The following USP32 variants were observed in gnomAD, a reference collection of about 807,000 sequenced individuals.
The protein encoded by USP32 is ubiquitin specific peptidase 32.
Under a neutral mutation model 204.8 loss-of-function variants are expected in USP32, and 59 were observed. The ratio of observed to expected loss-of-function variants is 0.29; its 90% CI spans 0.23 to 0.36. The LOEUF (loss-of-function observed/expected upper bound fraction) is 0.36. Ranked by LOEUF, USP32 falls within the 10% of genes least tolerant of loss-of-function variation. The pLI, the probability that USP32 is intolerant of heterozygous loss-of-function variation, is 1.00. For missense variants in USP32, 1,160 were observed against 1,946.4 expected (o/e 0.60, Z 7.60); for synonymous variants, 517 against 678.4 (o/e 0.76, Z 3.70).
At chr17:60,349,619 ATATATTATATATATATATATATATT>A (rs1567867312) in intron 1 of USP32, among the ~76,000 whole-genome samples, 3 of 74,960 alleles carry the variant, frequency 4.0e-5, no homozygotes, top group African/African-American at 2.3e-4. Context: ...ATATATATAT[ATATATTATATATATATATATATATT>A]ATATATATAC....
intron 5 of USP32, among the ~76,000 whole-genome samples, chr17:60,271,873 A>G (rs575176827): frequency 6.6e-6 from 1 of 151,226 alleles, no homozygotes; most frequent in African/African-American, 2.4e-5. Flanking sequence ...GTGCAGTGAC[A>G]CGATCATAGT....
intron 1 of USP32, among the ~76,000 whole-genome samples, chr17:60,390,052 T>C (rs912076885): frequency 2.6e-5 from 4 of 152,076 alleles, no homozygotes; most frequent in African/African-American, 9.7e-5. Context: ...TAGTTACAAA[T>C]AAGCTCTTAA....
chr17:60,293,804 T>C (rs1157967280), intron 4 of USP32, among the ~76,000 whole-genome samples: 2 of 152,156 alleles, frequency 1.3e-5, no homozygotes, highest in African/African-American at 2.4e-5. Flanking sequence ...TGGAGGACTG[T>C]CATACTGGTG....
chr17:60,262,098 G>A (rs1035379496), intron 9 of USP32, among the ~76,000 whole-genome samples: 27 of 152,310 alleles, frequency 1.8e-4, no homozygotes, highest in African/African-American at 5.3e-4. Flanking sequence ...ACTGACTGCA[G>A]TTAGGACTAC....
At chr17:60,407,418 T>A (rs1380191449) in intron 1 of USP32, among the ~76,000 whole-genome samples, 3 of 152,152 alleles carry the variant, frequency 2.0e-5, no homozygotes, top group Non-Finnish European at 1.5e-5. Context: ...CCTCCCAAGA[T>A]GTTCAGGAGA....
At chr17:60,257,471 G>C (rs1329070238) in intron 9 of USP32, among the ~76,000 whole-genome samples, 1 of 152,068 alleles carries the variant, frequency 6.6e-6, no homozygotes, top group Non-Finnish European at 1.5e-5. Context: ...TAGCATTTCA[G>C]CAAGTTGTTA....
chr17:60,354,069 A>G (rs1022979766), intron 1 of USP32, among the ~76,000 whole-genome samples: 1 of 152,228 alleles, frequency 6.6e-6, no homozygotes, highest in African/African-American at 2.4e-5. Flanking sequence ...ATGAAATTAA[A>G]TCCATTTTTG....
intron 2 of USP32, among the ~76,000 whole-genome samples, chr17:60,316,799 C>A (rs1466538961): frequency 6.6e-6 from 1 of 152,112 alleles, no homozygotes; most frequent in Non-Finnish European, 1.5e-5. Flanking sequence ...AGAAATCACA[C>A]TATTGCACTC....
chr17:60,297,230 C>T (rs112859538), intron 3 of USP32, among the ~76,000 whole-genome samples: 4 of 151,966 alleles, frequency 2.6e-5, no homozygotes, highest in African/African-American at 7.3e-5. Context: ...AGACCCCTAT[C>T]TCTACAAAAA....
chr17:60,317,995 AAAAC>A (rs1330951817), intron 2 of USP32, among the ~76,000 whole-genome samples: 1 of 152,224 alleles, frequency 6.6e-6, no homozygotes, highest in Non-Finnish European at 1.5e-5. Flanking sequence ...AAGAAAACAG[AAAAC>A]AAACAAACAA....
intron 1 of USP32, among the ~76,000 whole-genome samples, chr17:60,403,558 AG>A (rs2089952429): frequency 6.6e-6 from 1 of 152,176 alleles, no homozygotes; most frequent in South Asian, 2.1e-4. Flanking sequence ...GATCAGGTCC[AG>A]GGGGACTAAC....
chr17:60,213,425 TTTTC>T (rs1468469183), intron 18 of USP32, among the ~76,000 whole-genome samples, 152 bp downstream of exon 18: 1 of 151,470 alleles, frequency 6.6e-6, no homozygotes, highest in Non-Finnish European at 1.5e-5. Flanking sequence ...GTTCAAAGGG[TTTTC>T]TTTTTCTTTT....
intron 1 of USP32, among the ~76,000 whole-genome samples, chr17:60,355,094 A>G (rs938920483): frequency 1.3e-5 from 2 of 152,226 alleles, no homozygotes; most frequent in African/African-American, 4.8e-5. Flanking sequence ...AATACTTTTC[A>G]GCATAAAAAG....
chr17:60,225,910 C>T (rs1402876649), intron 13 of USP32, 129 bp downstream of exon 13: 4 of 973,826 alleles, frequency 4.1e-6, no homozygotes, highest in Non-Finnish European at 5.8e-6. Flanking sequence ...GCAGAGATCG[C>T]GCCACTGCGC....
intron 10 of USP32, 131 bp from the exon 11 acceptor site, chr17:60,252,573 T>G (rs1473895653): frequency 6.4e-6 from 4 of 623,178 alleles, no homozygotes; most frequent in Non-Finnish European, 7.8e-6. Flanking sequence ...AATTATTCAC[T>G]TGAGCAAATT....
At chr17:60,381,133 T>C (rs1311752471) in intron 1 of USP32, among the ~76,000 whole-genome samples, 5 of 152,188 alleles carry the variant, frequency 3.3e-5, no homozygotes, top group African/African-American at 1.2e-4. Context: ...GGTAGTCCCA[T>C]TTATTACGTC....
chr17:60,257,646 A>T (rs1399049839), intron 9 of USP32, among the ~76,000 whole-genome samples: 3 of 151,726 alleles, frequency 2.0e-5, no homozygotes, highest in African/African-American at 4.8e-5. Flanking sequence ...AAACTGGCTT[A>T]AAAAAAAGAG....
intron 2 of USP32, among the ~76,000 whole-genome samples, chr17:60,328,774 G>A (rs2088306219): frequency 1.3e-5 from 2 of 152,190 alleles, no homozygotes; most frequent in African/African-American, 2.4e-5. Context: ...CTCCCCGGGA[G>A]CAGCCAGAGA....
chr17:60,384,563 G>A (rs1216488457), intron 1 of USP32, among the ~76,000 whole-genome samples: 2 of 152,022 alleles, frequency 1.3e-5, no homozygotes, highest in Admixed American at 6.6e-5. Flanking sequence ...AGGCCGAGGC[G>A]GGCGGATCAC....
Sources: allele counts gnomAD v4.1 joint callset (sites outside exome capture counted in the v4.1 genomes callset), GRCh38; gene constraint gnomAD v4.1.1; transcripts MANE v1.5; gene names NCBI Gene and HGNC (gene_info 2026-07-23, HGNC 2026-07-21).